CADM2: variants seen among roughly 807,000 people sequenced by gnomAD.
CADM2 encodes the protein immunoglobulin superfamily member 4D.
A neutral mutation model predicts 49.8 loss-of-function variants in CADM2; 12 were observed. The ratio of observed to expected loss-of-function variants is 0.24; its 90% CI spans 0.15 to 0.39. The LOEUF (loss-of-function observed/expected upper bound fraction) is 0.39. Ranked by LOEUF, CADM2 falls within the 10% of genes least tolerant of loss-of-function variation. The pLI, the probability that CADM2 is intolerant of heterozygous loss-of-function variation, is 1.00. For missense variants in CADM2, 378 were observed against 492.3 expected (o/e 0.77, Z 2.20); for synonymous variants, 214 against 175.4 (o/e 1.22, Z -1.74).
intron 1 of CADM2, among the ~76,000 whole-genome samples, chr3:85,593,661 A>G (rs2063168775): frequency 6.6e-6 from 1 of 152,022 alleles, no homozygotes; most frequent in South Asian, 2.1e-4. Flanking sequence ...AAAAATTACT[A>G]CTTTCTAAAA....
chr3:86,011,590 G>A (rs1731516660), intron 8 of CADM2, among the ~76,000 whole-genome samples: 1 of 151,978 alleles, frequency 6.6e-6, no homozygotes, highest in Non-Finnish European at 1.5e-5. Context: ...GAGAAGAAGA[G>A]AAGGAAGAGT....
intron 1 of CADM2, among the ~76,000 whole-genome samples, chr3:85,461,707 T>C (rs1236612281): frequency 1.3e-5 from 2 of 152,156 alleles, no homozygotes; most frequent in African/African-American, 4.8e-5. Flanking sequence ...ATCCATTCTA[T>C]TTGATACCAG....
chr3:85,065,865 A>G (rs925188709), intron 1 of CADM2, among the ~76,000 whole-genome samples: 4 of 152,190 alleles, frequency 2.6e-5, no homozygotes, highest in Non-Finnish European at 5.9e-5. Context: ...AAATATAATG[A>G]TTAACCTTCA....
At chr3:85,536,535 T>C (rs182108048) in intron 1 of CADM2, among the ~76,000 whole-genome samples, 1 of 152,150 alleles carries the variant, frequency 6.6e-6, no homozygotes, top group Admixed American at 6.5e-5. Flanking sequence ...ATGGTTCTTA[T>C]TTCTCATTGA....
intron 1 of CADM2, among the ~76,000 whole-genome samples, chr3:85,516,720 T>C (rs1170507892): frequency 6.6e-6 from 1 of 152,050 alleles, no homozygotes; most frequent in African/African-American, 2.4e-5. Flanking sequence ...TAAAAAGAGA[T>C]ATAAGAAAGG....
chr3:85,660,947 G>A (rs2065384347), intron 1 of CADM2, among the ~76,000 whole-genome samples: 1 of 151,158 alleles, frequency 6.6e-6, no homozygotes, highest in Non-Finnish European at 1.5e-5. Flanking sequence ...AGGTACAACT[G>A]CTCAATTGTA....
intron 1 of CADM2, among the ~76,000 whole-genome samples, chr3:84,988,840 T>G (rs138805939): frequency 6.6e-6 from 1 of 152,312 alleles, no homozygotes; most frequent in African/African-American, 2.4e-5. Flanking sequence ...GTTTATTTAC[T>G]TAAATAAAAG....
intron 1 of CADM2, among the ~76,000 whole-genome samples, chr3:85,614,456 A>G (rs1392929069): frequency 6.6e-6 from 1 of 151,880 alleles, no homozygotes; most frequent in Non-Finnish European, 1.5e-5. Flanking sequence ...AAAAATTAAT[A>G]TAATGGGTTT....
chr3:85,443,716 T>C (rs1175095051), intron 1 of CADM2, among the ~76,000 whole-genome samples: 1 of 152,112 alleles, frequency 6.6e-6, no homozygotes, highest in Non-Finnish European at 1.5e-5. Context: ...ACTGTCTCTT[T>C]GCTCCTTCCC....
At chr3:85,668,557 T>G (rs1213745851) in intron 1 of CADM2, among the ~76,000 whole-genome samples, 1 of 152,054 alleles carries the variant, frequency 6.6e-6, no homozygotes, top group Non-Finnish European at 1.5e-5. Context: ...GCTGTTCTCA[T>G]GATAGTGAAT....
At chr3:86,042,256 C>T (rs1473979538) in intron 8 of CADM2, among the ~76,000 whole-genome samples, 22 of 151,892 alleles carry the variant, frequency 1.4e-4, no homozygotes, top group African/African-American at 5.1e-4. Context: ...AATAGAGACA[C>T]AAAAAACCCT....
chr3:85,875,092 A>G (rs1711629141), intron 3 of CADM2, among the ~76,000 whole-genome samples: 1 of 152,186 alleles, frequency 6.6e-6, no homozygotes, highest in East Asian at 1.9e-4. Context: ...TGAAACTTGG[A>G]ATACCAAATA....
chr3:85,446,162 C>T (rs989390066), intron 1 of CADM2, among the ~76,000 whole-genome samples: 1 of 152,060 alleles, frequency 6.6e-6, no homozygotes, highest in Admixed American at 6.5e-5. Context: ...CTTCTCTTGA[C>T]TCATCACTGT....
chr3:85,511,912 A>C, intron 1 of CADM2: 1 of 965,694 alleles, frequency 1.0e-6, no homozygotes, highest in Non-Finnish European at 1.2e-6. Context: ...AAACAAGAAA[A>C]AGTGGTGAAA....
In CADM2 at chr3:85,886,159, A is replaced by T. The variant is rs540602971; in HGVS notation, c.392-31A>T. ...AATAACAAATCAACCCTGAAGATTGATGCTCACTTCATCATTCGCTTAAAT... is the reference window on the plus strand; with the variant it reads ...AATAACAAATCAACCCTGAAGATTGTTGCTCACTTCATCATTCGCTTAAAT... On this transcript the variant is annotated intron_variant, in intron 4 of 9. Transcript: ENST00000383699. 150 of 1,609,456 alleles carry T rather than the reference A, an allele frequency of 9.3e-5. 2 individuals carry two copies. The South Asian group carries it at 1.6e-3, about 17-fold the overall frequency.
At chr3:85,153,223 T>C (rs2039987689) in intron 1 of CADM2, among the ~76,000 whole-genome samples, 1 of 151,998 alleles carries the variant, frequency 6.6e-6, no homozygotes. Flanking sequence ...GGTCAGTGGG[T>C]GCGCGCACCC....
At chr3:85,318,481 T>C (rs950977307) in intron 1 of CADM2, among the ~76,000 whole-genome samples, 4 of 152,080 alleles carry the variant, frequency 2.6e-5, no homozygotes, top group Non-Finnish European at 4.4e-5. Context: ...AGAGCCATCT[T>C]AGTAAAATTG....
At chr3:85,025,644 G>T (rs541825565) in intron 1 of CADM2, among the ~76,000 whole-genome samples, 2 of 152,126 alleles carry the variant, frequency 1.3e-5, no homozygotes, top group Admixed American at 6.6e-5. Context: ...TTTGCATAGC[G>T]CATTAGAGCT....
At chr3:85,066,776 A>C (rs2036542540) in intron 1 of CADM2, among the ~76,000 whole-genome samples, 1 of 152,142 alleles carries the variant, frequency 6.6e-6, no homozygotes, top group African/African-American at 2.4e-5. Flanking sequence ...TAAACTATTG[A>C]TATTATTTCC....
Sources: allele counts gnomAD v4.1 joint callset (sites outside exome capture counted in the v4.1 genomes callset), GRCh38; gene constraint gnomAD v4.1.1; transcripts MANE v1.5; gene names NCBI Gene and HGNC (gene_info 2026-07-23, HGNC 2026-07-21).